Variants in SHC4 observed in about 807,000 individuals in gnomAD.
SHC4 encodes the protein SHC adaptor protein 4, also known as SHC-transforming protein 4.
Under a neutral mutation model 69.4 loss-of-function variants are expected in SHC4, and 41 were observed. The ratio of observed to expected loss-of-function variants is 0.59; its 90% CI spans 0.46 to 0.77. The LOEUF (loss-of-function observed/expected upper bound fraction) is 0.77, where lower values mean the gene tolerates loss of function less well. SHC4 is among the 30% of genes least tolerant of loss of function. The pLI is 0.00. For missense variants in SHC4, 777 were observed against 783.8 expected (o/e 0.99, Z 0.10); for synonymous variants, 318 against 299.3 (o/e 1.06, Z -0.64).
intron 1 of SHC4, chr15:48,946,464 T>C: frequency 8.8e-6 from 5 of 569,528 alleles, no homozygotes; most frequent in Non-Finnish European, 1.1e-5. Context: ...TTCCTCTTCC[T>C]TCTCCCTCCT....
chr15:48,894,659 C>T (rs1900192093), intron 2 of SHC4, among the ~76,000 whole-genome samples: 1 of 152,052 alleles, frequency 6.6e-6, no homozygotes, highest in Non-Finnish European at 1.5e-5. Flanking sequence ...GTTTCTATTC[C>T]CAAAAGTTTC....
At chr15:48,875,418 A>T (rs1257123006) in intron 4 of SHC4, among the ~76,000 whole-genome samples, 1 of 152,222 alleles carries the variant, frequency 6.6e-6, no homozygotes, top group African/African-American at 2.4e-5. Flanking sequence ...ACTATTGATG[A>T]AGAGTTGATC....
intron 1 of SHC4, among the ~76,000 whole-genome samples, chr15:48,936,063 A>G (rs1901063234): frequency 6.6e-6 from 1 of 152,140 alleles, no homozygotes; most frequent in African/African-American, 2.4e-5. Context: ...CCCTACTAGA[A>G]GATTAGTAGC....
At chr15:48,912,727 G>A (rs1900531776) in intron 2 of SHC4, among the ~76,000 whole-genome samples, 1 of 152,218 alleles carries the variant, frequency 6.6e-6, no homozygotes, top group Non-Finnish European at 1.5e-5. Context: ...GGCTCCGTCA[G>A]AGGGAAGGTC....
chr15:48,957,441 T>C lies in SHC4; in HGVS notation c.585+4990A>G, dbSNP rs572891080. ...ACTTGAGGTAGATGTAACATTGTGG[T>C]ACTGTGGACTACATCTAGTCTAGAC... On this transcript the variant is annotated intron_variant, in intron 1 of 11. Transcript: ENST00000332408. Among the ~76,000 whole-genome samples, 7 of 152,338 alleles carry C rather than the reference T, an allele frequency of 4.6e-5. No homozygotes were observed. In the East Asian group the frequency reaches 1.4e-3, roughly 29 times the overall value.
intron 2 of SHC4, among the ~76,000 whole-genome samples, chr15:48,905,122 G>T (rs926456207): frequency 6.6e-6 from 1 of 152,116 alleles, no homozygotes; most frequent in Non-Finnish European, 1.5e-5. Flanking sequence ...TCTCTAACCA[G>T]CAGTGACCAT....
intron 1 of SHC4, among the ~76,000 whole-genome samples, chr15:48,929,115 G>A (rs557516572): frequency 1.3e-5 from 2 of 152,232 alleles, no homozygotes; most frequent in East Asian, 3.9e-4. Flanking sequence ...TCTTCCCATT[G>A]ACTCACACAA....
At chr15:48,874,639 C>T (rs944349676) in intron 4 of SHC4, among the ~76,000 whole-genome samples, 4 of 152,108 alleles carry the variant, frequency 2.6e-5, no homozygotes, top group East Asian at 3.9e-4. Flanking sequence ...GAGGTGGTGA[C>T]GCTAGTGCTG....
At chr15:48,855,853 A>G in intron 8 of SHC4, 100 bp downstream of exon 8, 2 of 1,246,738 alleles carry the variant, frequency 1.6e-6, no homozygotes, top group Non-Finnish European at 2.2e-6. Context: ...GGAAGACAGG[A>G]CTTTCTCTAA....
intron 4 of SHC4, among the ~76,000 whole-genome samples, chr15:48,872,668 GT>G (rs1899706804): frequency 6.6e-6 from 1 of 152,012 alleles, no homozygotes; most frequent in South Asian, 2.1e-4. Flanking sequence ...TTATATTTTT[GT>G]TTCTTTTTGC....
chr15:48,873,153 C>CA (rs1899720749), intron 4 of SHC4, among the ~76,000 whole-genome samples: 1 of 152,014 alleles, frequency 6.6e-6, no homozygotes, highest in African/African-American at 2.4e-5. Flanking sequence ...ATAGCAGCAA[C>CA]ATGTTTGCTG....
chr15:48,878,312 C>T, intron 4 of SHC4: 1 of 1,613,680 alleles, frequency 6.2e-7, no homozygotes, highest in East Asian at 2.2e-5. Context: ...GCGTCCCTCC[C>T]GCAGCGGGGC....
At chr15:48,874,620 G>A (rs1899758113) in intron 4 of SHC4, among the ~76,000 whole-genome samples, 1 of 152,180 alleles carries the variant, frequency 6.6e-6, no homozygotes, top group South Asian at 2.1e-4. Context: ...GATGACCTGA[G>A]GTAGAGCTGA....
chr15:48,959,618 T>C (rs761473045), intron 1 of SHC4, among the ~76,000 whole-genome samples: 14 of 152,230 alleles, frequency 9.2e-5, no homozygotes, highest in Non-Finnish European at 1.8e-4. Context: ...ATTAAGATCA[T>C]CTTTCTCTCA....
intron 4 of SHC4, chr15:48,877,511 T>A (rs1336098870): frequency 2.0e-6 from 2 of 984,464 alleles, no homozygotes; most frequent in East Asian, 2.3e-4. Flanking sequence ...AGTATTTTGC[T>A]GTCAATACAT....
intron 2 of SHC4, among the ~76,000 whole-genome samples, chr15:48,918,124 A>G (rs536758118): frequency 6.6e-6 from 1 of 152,346 alleles, no homozygotes; most frequent in East Asian, 1.9e-4. Context: ...CTATGATCAC[A>G]CAAAATACAG....
chr15:48,868,314 C>G (rs1199766219), intron 5 of SHC4, among the ~76,000 whole-genome samples: 1 of 152,036 alleles, frequency 6.6e-6, no homozygotes, highest in South Asian at 2.1e-4. Context: ...AGTAAGTTGA[C>G]TAAAGAGACA....
intron 2 of SHC4, among the ~76,000 whole-genome samples, chr15:48,914,722 G>C (rs901558622): frequency 6.6e-6 from 1 of 152,120 alleles, no homozygotes; most frequent in African/African-American, 2.4e-5. Flanking sequence ...AAGTCATCTG[G>C]TAACTGCTGT....
intron 1 of SHC4, among the ~76,000 whole-genome samples, chr15:48,931,976 C>A (rs1207088116): frequency 6.6e-6 from 1 of 151,890 alleles, no homozygotes; most frequent in Non-Finnish European, 1.5e-5. Context: ...TTGATTCTGA[C>A]AATTGATCAT....
Sources: gnomAD v4.1 joint callset for allele counts (sites outside exome capture counted in the v4.1 genomes callset) on GRCh38, gnomAD v4.1.1 for gene constraint, MANE v1.5 for transcripts, NCBI Gene and HGNC (gene_info 2026-07-23, HGNC 2026-07-21) for gene names.